The following PTGER4 variants were observed in gnomAD, a reference collection of about 807,000 sequenced individuals.
PTGER4 encodes prostaglandin E2 receptor EP4 subtype.
A neutral mutation model predicts 33.2 loss-of-function variants in PTGER4; 11 were observed. That is an observed-to-expected ratio of 0.33 (90% CI 0.21 to 0.55). The LOEUF is 0.55. Ranked by LOEUF, PTGER4 falls within the 20% of genes least tolerant of loss-of-function variation. PTGER4 has a pLI of 0.92. For missense variants in PTGER4, 481 were observed against 650.2 expected (o/e 0.74, Z 2.83); for synonymous variants, 275 against 281.5 (o/e 0.98, Z 0.23).
chr5:40,693,219 T>A lies in PTGER4; in HGVS notation c.*841T>A. On this transcript the variant is annotated 3_prime_UTR_variant, in exon 3 of 3. Coordinates refer to ENST00000302472, the MANE Select transcript of PTGER4 (RefSeq NM_000958.3). ...AGAACCTAACATGCTGGTGAATATT[T>A]TCAACTTTTTCCCTCACTAATTGGT... The A allele has an allele frequency of 1.0e-6, 1 of 984,292 alleles. No individual in the cohort carries two copies. Among genetic ancestry groups the A allele is most frequent in the Non-Finnish European group, 1.2e-6 (1 of 828,516 alleles). The allele number at this position is 984,292 out of a possible 1,614,324, so 61.0% of individuals were successfully genotyped here.
the PTGER4 span, among the ~76,000 whole-genome samples, chr5:40,736,342 A>G: frequency 4.6e-5 from 7 of 152,234 alleles, no homozygotes; most frequent in African/African-American, 2.4e-5. Context: ...ATCACCCTCA[A>G]ATTTACATTA....
the PTGER4 span, among the ~76,000 whole-genome samples, chr5:40,704,108 A>G: frequency 6.6e-6 from 1 of 151,922 alleles, no homozygotes; most frequent in South Asian, 2.1e-4. Context: ...TACAAACCAA[A>G]TCCAGCAGCA....
chr5:40,742,088 T>C, the PTGER4 span, among the ~76,000 whole-genome samples: 2 of 152,162 alleles, frequency 1.3e-5, no homozygotes, highest in African/African-American at 4.8e-5. Flanking sequence ...TACTGTCCAA[T>C]GGTTGAAAAC....
At chr5:40,699,323 T>A in the PTGER4 span, among the ~76,000 whole-genome samples, 4 of 152,152 alleles carry the variant, frequency 2.6e-5, no homozygotes, top group Admixed American at 1.3e-4. Flanking sequence ...ATATAATTCA[T>A]AATATTTACA....
chr5:40,686,105 T>C (rs1741318049), intron 2 of PTGER4, among the ~76,000 whole-genome samples: 1 of 152,182 alleles, frequency 6.6e-6, no homozygotes, highest in Admixed American at 6.5e-5. Context: ...AAGAAAGTGA[T>C]AAGAACTTCT....
Position 40,681,787 on chromosome 5 carries a change from G to A in PTGER4, c.794G>A (p.Gly265Asp). Reference sequence around the variant, plus strand: ...CGCCGGAGCTTCCGCCGCATCGCGGGCGCCGAGATCCAGATGGTCATCTTA... The same window carrying A: ...CGCCGGAGCTTCCGCCGCATCGCGGACGCCGAGATCCAGATGGTCATCTTA... ...RRRRSFRRIA[G>D]AEIQMVILLI... The change falls in exon 2 of 3, where the codon GGC (glycine) becomes GAC (aspartate). Residue 265 changes from glycine (G) to aspartate (D), a missense_variant. Coordinates refer to ENST00000302472, the MANE Select transcript of PTGER4 (RefSeq NM_000958.3). The surrounding 1 kb of genome is among the most constrained non-coding windows in gnomAD (Gnocchi z 9.8). 6.3e-7 allele frequency: 1 copy of A among 1,595,168 alleles called. No individual in the cohort carries two copies. The highest frequency in any genetic ancestry group is 8.5e-7 in the Non-Finnish European group (1 of 1,173,982).
At chr5:40,697,213 A>AAG (rs1361659331), downstream of PTGER4, among the ~76,000 whole-genome samples, 4 of 128,662 alleles carry the variant, frequency 3.1e-5, no homozygotes, top group African/African-American at 1.2e-4. Flanking sequence ...AGAAAGAAAG[A>AAG]AAAAGAAAGA....
At chr5:40,710,163 T>C in the PTGER4 span, among the ~76,000 whole-genome samples, 2 of 152,172 alleles carry the variant, frequency 1.3e-5, no homozygotes, top group Non-Finnish European at 2.9e-5. Context: ...GAGAACATTT[T>C]TGCAATCTAC....
rs1406064607 is a variant in PTGER4 at position 40,681,493 on chromosome 5, A to G, written c.500A>G (p.Asp167Gly). Residue 167 changes from aspartate (D) to glycine (G), a missense_variant, in exon 2 of 3, where the codon GAC (aspartate) becomes GGC (glycine). Physicochemically the swap from Asp to Gly is moderately conservative, Grantham distance 94. Around this residue, in one of 7 missense-constraint regions of PTGER4, gnomAD observed 2 missense variants for 16.5 expected, o/e 0.12. Transcript: ENST00000302472. The surrounding 1 kb of genome is among the most constrained non-coding windows in gnomAD (Gnocchi z 9.8). The stretch of plus-strand genomic sequence containing the variant: ...GGTAGCTCGCGGCTGCAGTACCCAG[A>G]CACCTGGTGCTTCATCGACTGGACC... ...GLGSSRLQYP[D>G]TWCFIDWTTN... The G allele has an allele frequency of 1.2e-6, 2 of 1,613,420 alleles. No individual in the cohort carries two copies. The highest frequency in any genetic ancestry group is 2.2e-5 in the South Asian group (2 of 91,086).
At chr5:40,723,267 A>G in the PTGER4 span, among the ~76,000 whole-genome samples, 1 of 151,966 alleles carries the variant, frequency 6.6e-6, no homozygotes, top group Non-Finnish European at 1.5e-5. Flanking sequence ...CCACTCCCTA[A>G]TCTCAAGTAC....
the PTGER4 span, among the ~76,000 whole-genome samples, chr5:40,725,150 AT>A: frequency 0.041 from 5,760 of 139,178 alleles, 104 homozygotes; most frequent in Middle Eastern, 0.11. Context: ...GCCCAGCCAA[AT>A]TTTTTTTTTT....
the PTGER4 span, among the ~76,000 whole-genome samples, chr5:40,710,192 A>G: frequency 2.0e-5 from 3 of 152,204 alleles, no homozygotes; most frequent in Admixed American, 6.5e-5. Context: ...CAAAGGGCTA[A>G]TATCTAGAAT....
At chr5:40,695,515 T>C (rs928663654), downstream of PTGER4, among the ~76,000 whole-genome samples, 2 of 150,980 alleles carry the variant, frequency 1.3e-5, no homozygotes, top group African/African-American at 4.9e-5. Context: ...GACTGAACTC[T>C]AGCCTGGGCG....
At chr5:40,722,768 G>A in the PTGER4 span, among the ~76,000 whole-genome samples, 3 of 151,434 alleles carry the variant, frequency 2.0e-5, no homozygotes, top group Admixed American at 6.6e-5. Context: ...GCCCCGTCCC[G>A]GAGGTGGCGG....
downstream of PTGER4, among the ~76,000 whole-genome samples, chr5:40,695,854 A>T (rs1382801966): frequency 6.6e-6 from 1 of 152,242 alleles, no homozygotes; most frequent in Non-Finnish European, 1.5e-5. Context: ...GCATGTTCTC[A>T]CTTATAAATG....
downstream of PTGER4, chr5:40,696,618 T>A (rs1741587820): frequency 1.1e-6 from 1 of 933,674 alleles, no homozygotes; most frequent in African/African-American, 1.8e-5. Flanking sequence ...ATCTCTACCA[T>A]TCAATCATTT....
rs1741518973 is a variant in PTGER4, at chr5:40,693,371, C to T, written c.*993C>T. 1 of 984,166 alleles carries T rather than the reference C, an allele frequency of 1.0e-6. No homozygotes were observed. The highest frequency in any genetic ancestry group is 1.7e-5 in the African/African-American group (1 of 57,192). The allele number at this position is 984,166 out of a possible 1,614,324, so 61.0% of individuals were successfully genotyped here. A position where few individuals can be genotyped will look rare whatever the true frequency, so the allele number is the denominator to read the frequency against. ...TTCTCTGAAAGTGTGTGTAGTTTTACTTTCCTAAGGAATTACCAAGAATAT... is the reference window on the plus strand; with the variant it reads ...TTCTCTGAAAGTGTGTGTAGTTTTATTTTCCTAAGGAATTACCAAGAATAT... On this transcript the variant is annotated 3_prime_UTR_variant, in exon 3 of 3. Coordinates refer to ENST00000302472, the MANE Select transcript of PTGER4 (RefSeq NM_000958.3).
chr5:40,685,189 A>G (rs1266274485), intron 2 of PTGER4, among the ~76,000 whole-genome samples: 1 of 152,164 alleles, frequency 6.6e-6, no homozygotes, highest in Non-Finnish European at 1.5e-5. Context: ...CATCTCAGCT[A>G]GGGGCAGAAC....
At chr5:40,718,049 C>T in the PTGER4 span, among the ~76,000 whole-genome samples, 4 of 148,842 alleles carry the variant, frequency 2.7e-5, no homozygotes, top group African/African-American at 5.0e-5. Flanking sequence ...GCAACAAGAG[C>T]GAAACTCCGT....
Sources: allele counts gnomAD v4.1 joint callset (sites outside exome capture counted in the v4.1 genomes callset), GRCh38; gene constraint gnomAD v4.1.1; regional missense constraint gnomAD v4.1.1; non-coding constraint Gnocchi (gnomAD v3.1); transcripts MANE v1.5; gene names NCBI Gene and HGNC (gene_info 2026-07-23, HGNC 2026-07-21).